ADGRL3: variants seen among roughly 807,000 people sequenced by gnomAD.
The protein encoded by ADGRL3 is calcium-independent alpha-latrotoxin receptor 3.
A neutral mutation model predicts 153.5 loss-of-function variants in ADGRL3; 62 were observed. That is an observed-to-expected ratio of 0.40 (90% CI 0.33 to 0.50). ADGRL3 has a LOEUF of 0.50. ADGRL3 is among the 20% of genes least tolerant of loss of function. ADGRL3 has a pLI of 0.47. For missense variants in ADGRL3, 1,641 were observed against 1,859.4 expected, an observed-to-expected ratio of 0.88 and a Z score of 2.16; for synonymous variants, 710 against 672.5, an observed-to-expected ratio of 1.06 and a Z score of -0.86.
intron 9 of ADGRL3, among the ~76,000 whole-genome samples, chr4:61,874,435 T>A (rs1297206363): frequency 1.3e-5 from 2 of 151,992 alleles, no homozygotes; most frequent in African/African-American, 2.4e-5. Flanking sequence ...ATCACATACA[T>A]CCCACCACCT....
At chr4:61,534,931 T>G (rs1560799082) in intron 4 of ADGRL3, among the ~76,000 whole-genome samples, 3 of 152,118 alleles carry the variant, frequency 2.0e-5, no homozygotes, top group African/African-American at 7.2e-5. Context: ...TGTTATTTTT[T>G]TCTCTTGTCT....
intron 1 of ADGRL3, among the ~76,000 whole-genome samples, chr4:61,298,997 A>G (rs546089219): frequency 1.4e-4 from 21 of 152,202 alleles, no homozygotes; most frequent in Non-Finnish European, 2.9e-4. Flanking sequence ...TAATGCATGC[A>G]AGATTCTACT....
At chr4:61,756,511 G>A (rs1294621042) in intron 8 of ADGRL3, among the ~76,000 whole-genome samples, 1 of 152,174 alleles carries the variant, frequency 6.6e-6, no homozygotes, top group Non-Finnish European at 1.5e-5. Context: ...AACTTAAGGA[G>A]ATTTTGGGCT....
chr4:61,785,409 C>T (rs904752202), intron 8 of ADGRL3, among the ~76,000 whole-genome samples: 1 of 152,162 alleles, frequency 6.6e-6, no homozygotes, highest in Non-Finnish European at 1.5e-5. Context: ...TGATGCCTTT[C>T]GTGTAAAGTA....
At chr4:61,263,968 G>T (rs1205246433) in intron 1 of ADGRL3, among the ~76,000 whole-genome samples, 1 of 151,570 alleles carries the variant, frequency 6.6e-6, no homozygotes, top group Non-Finnish European at 1.5e-5. Context: ...TTTTGAGATA[G>T]GCTTGTTGGT....
At chr4:61,464,036 A>G (rs183629117) in intron 2 of ADGRL3, among the ~76,000 whole-genome samples, 166 of 152,318 alleles carry the variant, frequency 1.1e-3, no homozygotes, top group Admixed American at 4.2e-3. Flanking sequence ...ACATCTACTT[A>G]ACACATGAAA....
At chr4:61,919,268 A>T (rs1437660202) in intron 13 of ADGRL3, among the ~76,000 whole-genome samples, 1 of 152,152 alleles carries the variant, frequency 6.6e-6, no homozygotes, top group African/African-American at 2.4e-5. Flanking sequence ...GCCAACCCAA[A>T]CTTTCATTTA....
At position 61,447,664 on chromosome 4, in the gene ADGRL3, A is replaced by C. The variant is rs368535726; in HGVS notation, c.-173-49457A>C. Among the ~76,000 whole-genome samples, 35 of 152,356 alleles carry C rather than the reference A, an allele frequency of 2.3e-4. 1 individual carries two copies. Among genetic ancestry groups the C allele is most frequent in the East Asian group, 2.1e-3 (11 of 5,188 alleles). The stretch of plus-strand genomic sequence containing the variant: ...ACTTTCTAAATGTCAAAAAAGGGAA[A>C]TGGAGTATAAATCAATTTTTGTATA... On this transcript the variant is annotated intron_variant, in intron 2 of 26. Transcript: ENST00000683033.
intron 4 of ADGRL3, among the ~76,000 whole-genome samples, chr4:61,550,643 T>A (rs1157496745): frequency 8.9e-6 from 1 of 112,838 alleles, no homozygotes; most frequent in African/African-American, 3.2e-5. Context: ...CAAAGGAAAA[T>A]TTTTAAGATT....
chr4:61,680,471 T>TTTTTTTTTTTTTTTTTTGAG (rs2095313036), intron 6 of ADGRL3, among the ~76,000 whole-genome samples: 1 of 150,784 alleles, frequency 6.6e-6, no homozygotes, highest in African/African-American at 2.4e-5. Flanking sequence ...TATTCATTTT[T>TTTTTTTTTTTTTTTTTTGAG]AAGGTGAGAC....
intron 1 of ADGRL3, among the ~76,000 whole-genome samples, chr4:61,346,479 A>G (rs1311231217): frequency 6.6e-6 from 1 of 151,774 alleles, no homozygotes; most frequent in Non-Finnish European, 1.5e-5. Context: ...AAAAGCTAAG[A>G]TGGGCCAGGT....
In ADGRL3 at chr4:61,330,712, G is replaced by A. The variant is rs548713399; in HGVS notation, c.-239-52412G>A. Among the ~76,000 whole-genome samples the A allele has an allele frequency of 2.0e-5, 3 of 152,242 alleles. No homozygotes were observed. The South Asian group carries it at 6.2e-4, about 32-fold the overall frequency. ...TTATTGTAAAGAGCGAAAGAACAAAGCTTCCACTGCGTGGAAAGGGACCCC... is the reference window on the plus strand; with the variant it reads ...TTATTGTAAAGAGCGAAAGAACAAAACTTCCACTGCGTGGAAAGGGACCCC... On this transcript the variant is annotated intron_variant, in intron 1 of 26. Transcript: ENST00000683033.
At chr4:61,270,465 G>GA (rs997160430) in intron 1 of ADGRL3, among the ~76,000 whole-genome samples, 1 of 151,446 alleles carries the variant, frequency 6.6e-6, no homozygotes, top group East Asian at 1.9e-4. Flanking sequence ...CTCTTAATAT[G>GA]AAAAAAACCT....
chr4:61,632,746 A>G (rs1045741353), intron 5 of ADGRL3, among the ~76,000 whole-genome samples: 1 of 152,324 alleles, frequency 6.6e-6, no homozygotes, highest in Admixed American at 6.5e-5. Context: ...GTATAAATAC[A>G]TATTACCAGT....
chr4:61,791,821 G>C (rs937113151), intron 8 of ADGRL3, among the ~76,000 whole-genome samples: 7 of 152,186 alleles, frequency 4.6e-5, no homozygotes, highest in African/African-American at 1.7e-4. Context: ...AGCTGCCAAG[G>C]CTTGGGGCTT....
intron 8 of ADGRL3, among the ~76,000 whole-genome samples, chr4:61,780,616 A>G (rs527946630): frequency 4.7e-4 from 71 of 152,334 alleles, no homozygotes; most frequent in Non-Finnish European, 7.3e-4. Context: ...GTACTAACTC[A>G]TAGTCTATAA....
At chr4:61,999,135 GT>G (rs2099131839) in intron 21 of ADGRL3, among the ~76,000 whole-genome samples, 1 of 152,142 alleles carries the variant, frequency 6.6e-6, no homozygotes, top group South Asian at 2.1e-4. Context: ...ATGGCTCTAA[GT>G]TTTACCTTCC....
At chr4:61,497,904 C>A (rs2098339265) in intron 3 of ADGRL3, among the ~76,000 whole-genome samples, 1 of 152,152 alleles carries the variant, frequency 6.6e-6, no homozygotes, top group Non-Finnish European at 1.5e-5. Context: ...TATTTAAAAC[C>A]AAAAGGCTTT....
intron 13 of ADGRL3, among the ~76,000 whole-genome samples, chr4:61,920,844 C>T (rs1363681246): frequency 1.3e-5 from 2 of 152,110 alleles, no homozygotes; most frequent in East Asian, 3.9e-4. Context: ...TTAAGGGCTA[C>T]CCTATTTGCA....
Sources: gnomAD v4.1 joint callset for allele counts (sites outside exome capture counted in the v4.1 genomes callset) on GRCh38, gnomAD v4.1.1 for gene constraint, MANE v1.5 for transcripts, NCBI Gene and HGNC (gene_info 2026-07-23, HGNC 2026-07-21) for gene names.